Variants in PTPN20 observed in about 807,000 individuals in gnomAD.
The protein encoded by PTPN20 is protein tyrosine phosphatase non-receptor type 20.
In PTPN20, 9 loss-of-function variants were observed where a neutral mutation model predicts 35.0. That is an observed-to-expected ratio of 0.26 (90% CI 0.15 to 0.45). The LOEUF is 0.45. Ranked by LOEUF, PTPN20 falls within the 20% of genes least tolerant of loss-of-function variation. PTPN20 has a pLI of 1.00. For missense variants in PTPN20, 111 were observed against 312.5 expected, an observed-to-expected ratio of 0.36 and a Z score of 4.86; for synonymous variants, 32 against 100.2, an observed-to-expected ratio of 0.32 and a Z score of 4.06.
chr10:46,949,240 T>C (rs2045946427), intron 5 of PTPN20, among the ~76,000 whole-genome samples: 1 of 152,192 alleles, frequency 6.6e-6, no homozygotes. Flanking sequence ...GTCTTTCTTA[T>C]GAGCACCTGT....
chr10:46,937,844 C>A (rs1197294551), intron 2 of PTPN20, among the ~76,000 whole-genome samples: 1 of 151,022 alleles, frequency 6.6e-6, no homozygotes, highest in South Asian at 2.1e-4. Flanking sequence ...CTTTTCTATT[C>A]CTTGGCATAC....
intron 5 of PTPN20, among the ~76,000 whole-genome samples, chr10:46,955,623 A>AC (rs1187421075): frequency 1.1e-5 from 1 of 92,652 alleles, no homozygotes; most frequent in African/African-American, 4.8e-5. Flanking sequence ...GATCAAGGTC[A>AC]CCATCAACTG....
intron 1 of PTPN20, among the ~76,000 whole-genome samples, chr10:46,929,559 T>C (rs2038894153): frequency 6.6e-6 from 1 of 151,838 alleles, no homozygotes; most frequent in Non-Finnish European, 1.5e-5. Flanking sequence ...ACACATTCTT[T>C]ATGGAATTTA....
At chr10:46,959,547 A>G (rs1234946672) in intron 5 of PTPN20, among the ~76,000 whole-genome samples, 1 of 146,042 alleles carries the variant, frequency 6.8e-6, no homozygotes, top group Non-Finnish European at 1.5e-5. Context: ...TTAAAAAAAT[A>G]TTTCTTGTAG....
chr10:47,000,862 C>A lies in PTPN20; in HGVS notation c.*121C>A, dbSNP rs1024423410. ...CATACAATCTGCTTTCTTGGTTTATCAGTTTATTTTCTTTCTAAAAGCTCC... is the reference window on the plus strand; with the variant it reads ...CATACAATCTGCTTTCTTGGTTTATAAGTTTATTTTCTTTCTAAAAGCTCC... On this transcript the variant is annotated 3_prime_UTR_variant, in exon 11 of 11. Coordinates refer to ENST00000374339, the MANE Select transcript of PTPN20 (RefSeq NM_001042357.5). 2.3e-6 allele frequency: 3 copies of A among 1,299,064 alleles called. No homozygotes were observed. The allele number at this position is 1,299,064 out of a possible 1,614,324, so 80.5% of individuals were successfully genotyped here.
At chr10:47,000,521 T>C (rs1473278666) in intron 10 of PTPN20, among the ~76,000 whole-genome samples, 155 bp from the exon 11 acceptor site, 7 of 152,194 alleles carry the variant, frequency 4.6e-5, no homozygotes, top group African/African-American at 1.4e-4. Flanking sequence ...GTTTTAAAAA[T>C]GTATTCACGT....
At chr10:46,952,853 A>G (rs1267239060) in intron 5 of PTPN20, among the ~76,000 whole-genome samples, 1 of 151,340 alleles carries the variant, frequency 6.6e-6, no homozygotes, top group Non-Finnish European at 1.5e-5. Context: ...AATCCAGCAC[A>G]CTAGGCAGTG....
At chr10:46,950,922 G>A (rs2046437575) in intron 5 of PTPN20, among the ~76,000 whole-genome samples, 1 of 151,160 alleles carries the variant, frequency 6.6e-6, no homozygotes, top group Admixed American at 6.6e-5. Context: ...GACATATTCT[G>A]ACATAGGATT....
intron 9 of PTPN20, among the ~76,000 whole-genome samples, chr10:46,997,916 T>G (rs1194561407): frequency 6.6e-6 from 1 of 152,106 alleles, no homozygotes; most frequent in Non-Finnish European, 1.5e-5. Context: ...CCCATGCTGA[T>G]GAAGATTTGG....
intron 5 of PTPN20, among the ~76,000 whole-genome samples, chr10:46,953,387 C>CTTTCTTTT (rs2047390066): frequency 8.1e-6 from 1 of 123,466 alleles, no homozygotes; most frequent in South Asian, 2.4e-4. Context: ...TTCTTTCTTT[C>CTTTCTTTT]TTTCTTTCTT....
intron 9 of PTPN20, among the ~76,000 whole-genome samples, chr10:46,999,127 T>G (rs1227469797): frequency 4.6e-5 from 7 of 152,132 alleles, no homozygotes; most frequent in Admixed American, 1.3e-4. Context: ...AAAGGGTTAA[T>G]TAAAAATTTT....
At chr10:46,996,263 A>G (rs1291471469) in intron 9 of PTPN20, among the ~76,000 whole-genome samples, 1 of 151,870 alleles carries the variant, frequency 6.6e-6, no homozygotes, top group Non-Finnish European at 1.5e-5. Flanking sequence ...AAATTATATA[A>G]CTCTTTGTCT....
chr10:46,988,423 A>G (rs2057220431), intron 9 of PTPN20, among the ~76,000 whole-genome samples: 1 of 147,094 alleles, frequency 6.8e-6, no homozygotes. Context: ...CTTTAAATAT[A>G]TACAATAAAT....
At chr10:46,945,666 A>T (rs1180543078) in intron 4 of PTPN20, among the ~76,000 whole-genome samples, 11 of 152,160 alleles carry the variant, frequency 7.2e-5, no homozygotes, top group Non-Finnish European at 1.2e-4. Context: ...CAGAAGTCAA[A>T]TTAGGAGGAT....
chr10:46,958,944 C>G (rs1289511609), intron 5 of PTPN20, among the ~76,000 whole-genome samples: 6 of 151,120 alleles, frequency 4.0e-5, no homozygotes, highest in Admixed American at 2.6e-4. Flanking sequence ...TAGTTTATAG[C>G]CTAACACATG....
chr10:46,952,537 T>G (rs1336550930), intron 5 of PTPN20, among the ~76,000 whole-genome samples: 3 of 130,640 alleles, frequency 2.3e-5, no homozygotes, highest in African/African-American at 9.4e-5. Flanking sequence ...TTCACAATAT[T>G]TTATCCCTGT....
chr10:46,941,159 C>G (rs1281733478), intron 3 of PTPN20, among the ~76,000 whole-genome samples: 1 of 150,656 alleles, frequency 6.6e-6, no homozygotes, highest in Admixed American at 6.6e-5. Context: ...GGTTAGAGCA[C>G]AAAAAAAGGG....
intron 5 of PTPN20, among the ~76,000 whole-genome samples, chr10:46,954,187 G>A (rs1448597019): frequency 8.5e-6 from 1 of 117,952 alleles, no homozygotes; most frequent in African/African-American, 4.1e-5. Flanking sequence ...TGTCAGCAAA[G>A]TTGATTTCTT....
At chr10:46,926,829 G>A (rs2037588776) in intron 1 of PTPN20, among the ~76,000 whole-genome samples, 3 of 151,724 alleles carry the variant, frequency 2.0e-5, no homozygotes, top group South Asian at 2.1e-4. Flanking sequence ...GGAAACTTGT[G>A]TGAAGTGTTG....
Sources: allele counts gnomAD v4.1 joint callset (sites outside exome capture counted in the v4.1 genomes callset), GRCh38; gene constraint gnomAD v4.1.1; transcripts MANE v1.5; gene names NCBI Gene and HGNC (gene_info 2026-07-23, HGNC 2026-07-21).